The following SNTB2 variants were observed in gnomAD, a reference collection of about 807,000 sequenced individuals.
SNTB2 encodes syntrophin beta 2.
In SNTB2, 34 loss-of-function variants were observed where a neutral mutation model predicts 46.2. The observed-to-expected ratio is 0.74, with a 90% CI of 0.56 to 0.98. SNTB2 has a LOEUF of 0.98. Ranked by LOEUF, SNTB2 falls within the 50% of genes least tolerant of loss-of-function variation. The pLI is 0.00. For missense variants in SNTB2, 603 were observed against 731.4 expected (o/e 0.82, Z 2.02); for synonymous variants, 290 against 312.6 (o/e 0.93, Z 0.76).
At chr16:69,228,173 G>A (rs749833530) in intron 1 of SNTB2, among the ~76,000 whole-genome samples, 1 of 152,016 alleles carries the variant, frequency 6.6e-6, no homozygotes, top group African/African-American at 2.4e-5. Context: ...TAACATCTCA[G>A]TTACTTGGTA....
At chr16:69,217,145 G>C (rs1236156265) in intron 1 of SNTB2, among the ~76,000 whole-genome samples, 3 of 152,120 alleles carry the variant, frequency 2.0e-5, no homozygotes, top group African/African-American at 7.2e-5. Flanking sequence ...GTAGCCTTCT[G>C]TTAGATTATT....
chr16:69,266,118 A>G (rs1964881229), intron 3 of SNTB2, among the ~76,000 whole-genome samples: 1 of 152,168 alleles, frequency 6.6e-6, no homozygotes, highest in African/African-American at 2.4e-5. Context: ...GAATCCCAGC[A>G]CTTTGGGAGG....
rs572222513 is a variant in SNTB2 at position 69,200,342 on chromosome 16, G to A, written c.580+12596G>A. ...AATACCTATTTCTTAGCATCAGCAC[G>A]CTAGTATGAAATTATTTTTCTGTCA... On this transcript the variant is annotated intron_variant, in intron 1 of 6. Transcript: ENST00000336278. Among the ~76,000 whole-genome samples, 28 of 152,232 alleles carry A rather than the reference G, an allele frequency of 1.8e-4. No homozygotes were observed. The South Asian group carries it at 5.0e-3, about 27-fold the overall frequency.
rs1348218394 is a variant in SNTB2 at position 69,302,536 on chromosome 16, A to G, written c.*1612A>G. The G allele has an allele frequency of 6.6e-6, 1 of 152,256 alleles. No homozygotes were observed. The highest frequency in any genetic ancestry group is 2.4e-5 in the African/African-American group (1 of 41,442). 9.4% of individuals were successfully genotyped at this position (152,256 alleles called of 1,614,324 possible). ...GGCACAGGGGGAGAAAAGAAGAGAA[A>G]AACACACCTGTGTGCAAAATGAGCT... On this transcript the variant is annotated 3_prime_UTR_variant, in exon 7 of 7. Coordinates refer to ENST00000336278, the MANE Select transcript of SNTB2 (RefSeq NM_006750.4).
intron 1 of SNTB2, chr16:69,241,864 G>A (rs928367598): frequency 3.4e-5 from 5 of 149,236 alleles, no homozygotes; most frequent in Non-Finnish European, 7.4e-5. Flanking sequence ...AGGAGGCGGA[G>A]GTTGCAGTGA....
At chr16:69,246,226 A>G (rs1964668968) in intron 2 of SNTB2, among the ~76,000 whole-genome samples, 1 of 152,208 alleles carries the variant, frequency 6.6e-6, no homozygotes, top group South Asian at 2.1e-4. Flanking sequence ...TTATTTTGAA[A>G]TACATCCCAT....
chr16:69,272,679 G>T (rs1037398167), intron 4 of SNTB2, among the ~76,000 whole-genome samples: 2 of 151,722 alleles, frequency 1.3e-5, no homozygotes, highest in African/African-American at 4.8e-5. Flanking sequence ...ATCACCTGAG[G>T]TCAGGAGCTC....
At chr16:69,259,817 C>A (rs1964817819) in intron 2 of SNTB2, among the ~76,000 whole-genome samples, 3 of 151,030 alleles carry the variant, frequency 2.0e-5, no homozygotes, top group African/African-American at 7.3e-5. Flanking sequence ...ACCGTGTTGC[C>A]CAGGCTGGTC....
Position 69,211,859 on chromosome 16 carries a change from T to C in SNTB2, c.580+24113T>C, listed in dbSNP as rs1366517615. On this transcript the variant is annotated intron_variant, in intron 1 of 6. Coordinates refer to ENST00000336278, the MANE Select transcript of SNTB2 (RefSeq NM_006750.4). ...TAAGTTCTTCAAAAATAAACCCTTA[T>C]TCATTATCCTCTGAAGTTTGCAGTC... 4.5e-4 allele frequency among the ~76,000 whole-genome samples: 69 copies of C among 152,352 alleles called. 1 individual carries two copies. The highest frequency in any genetic ancestry group is 4.4e-3 in the Admixed American group (68 of 15,290).
At chr16:69,298,920 T>C (rs577791407) in intron 5 of SNTB2, among the ~76,000 whole-genome samples, 1 of 152,306 alleles carries the variant, frequency 6.6e-6, no homozygotes, top group South Asian at 2.1e-4. Context: ...GCTCATGTTC[T>C]GTACATTCTG....
At chr16:69,245,444 C>G (rs1426924619) in intron 1 of SNTB2, among the ~76,000 whole-genome samples, 158 bp from the exon 2 acceptor site, 1 of 152,210 alleles carries the variant, frequency 6.6e-6, no homozygotes, top group Non-Finnish European at 1.5e-5. Context: ...ATCCACCCGC[C>G]TCGGCCTCCC....
intron 1 of SNTB2, among the ~76,000 whole-genome samples, chr16:69,238,763 G>T (rs1229166983): frequency 6.6e-6 from 1 of 152,014 alleles, no homozygotes; most frequent in African/African-American, 2.4e-5. Flanking sequence ...TGTAGAATCT[G>T]ACCACTTCTC....
intron 1 of SNTB2, among the ~76,000 whole-genome samples, chr16:69,194,939 A>G (rs926777205): frequency 5.3e-5 from 8 of 152,234 alleles, no homozygotes; most frequent in African/African-American, 1.7e-4. Context: ...AACATTATAG[A>G]CAGCTGTAAA....
At chr16:69,234,965 A>C (rs1350555752) in intron 1 of SNTB2, among the ~76,000 whole-genome samples, 1 of 152,000 alleles carries the variant, frequency 6.6e-6, no homozygotes, top group Non-Finnish European at 1.5e-5. Context: ...GGCCTCCCAA[A>C]ATGTTGGGAT....
intron 1 of SNTB2, among the ~76,000 whole-genome samples, chr16:69,236,674 CAAAA>C (rs1358176091): frequency 8.4e-6 from 1 of 119,400 alleles, no homozygotes; most frequent in African/African-American, 3.0e-5. Context: ...TTTACAATTA[CAAAA>C]AAAAAAAAAA....
At chr16:69,271,502 G>A (rs560469269) in intron 4 of SNTB2, among the ~76,000 whole-genome samples, 1 of 152,142 alleles carries the variant, frequency 6.6e-6, no homozygotes, top group African/African-American at 2.4e-5. Flanking sequence ...TGCTTTGCGT[G>A]TAGTAGGCCA....
rs945949365 is a variant in SNTB2 at position 69,305,864 on chromosome 16, T to G, written c.*4940T>G. 31 of 152,190 alleles carry G rather than the reference T, an allele frequency of 2.0e-4. No individual in the cohort carries two copies. Among genetic ancestry groups the G allele is most frequent in the Non-Finnish European group, 4.0e-4 (27 of 68,014 alleles). 9.4% of individuals were successfully genotyped at this position (152,190 alleles called of 1,614,324 possible). A position where few individuals can be genotyped will look rare whatever the true frequency, so the allele number is the denominator to read the frequency against. ...ATTGCTTGGTAATCTAAAATTATTC[T>G]GACTTTCCACATACTGTCTTTAAAA... On this transcript the variant is annotated 3_prime_UTR_variant, in exon 7 of 7. Transcript: ENST00000336278.
chr16:69,297,998 G>T (rs569385167), intron 5 of SNTB2, among the ~76,000 whole-genome samples: 38 of 152,238 alleles, frequency 2.5e-4, no homozygotes, highest in African/African-American at 8.7e-4. Flanking sequence ...GAGTGCAGTG[G>T]CATGATCATA....
At chr16:69,269,308 G>A (rs1964915507) in intron 3 of SNTB2, among the ~76,000 whole-genome samples, 1 of 151,752 alleles carries the variant, frequency 6.6e-6, no homozygotes, top group African/African-American at 2.4e-5. Flanking sequence ...CATGAGGTCA[G>A]GAGATCGAGA....
Sources: allele counts gnomAD v4.1 joint callset (sites outside exome capture counted in the v4.1 genomes callset), GRCh38; gene constraint gnomAD v4.1.1; transcripts MANE v1.5; gene names NCBI Gene and HGNC (gene_info 2026-07-23, HGNC 2026-07-21).